The following AK3 variants were observed in gnomAD, a reference collection of about 807,000 sequenced individuals.
AK3 encodes the protein GTP:AMP phosphotransferase AK3, mitochondrial.
A neutral mutation model predicts 23.7 loss-of-function variants in AK3; 27 were observed. The ratio of observed to expected loss-of-function variants is 1.14; its 90% confidence interval spans 0.84 to 1.57. The LOEUF is 1.57. Among genes scored for constraint, AK3 ranks in the 40% most tolerant of loss-of-function variants. AK3 has a pLI of 0.00. For missense variants in AK3, 406 were observed against 285.6 expected, an observed-to-expected ratio of 1.42 and a Z score of -3.04; for synonymous variants, 159 against 116.0, an observed-to-expected ratio of 1.37 and a Z score of -2.38.
chr9:4,713,220 G>A lies in AK3; in HGVS notation c.564-124C>T, dbSNP rs902667437. ...GGAGTCTTGGTAAGTATAGATTTGTGTAATCAGGAGAGAAAGGCACTTGGC... is the reference window on the plus strand; with the variant it reads ...GGAGTCTTGGTAAGTATAGATTTGTATAATCAGGAGAGAAAGGCACTTGGC... On this transcript the variant is annotated intron_variant, in intron 4 of 4. Coordinates refer to ENST00000381809, the MANE Select transcript of AK3 (RefSeq NM_016282.4). 2.8e-5 allele frequency: 36 copies of A among 1,271,818 alleles called. 1 individual carries two copies. Among genetic ancestry groups the A allele is most frequent in the Non-Finnish European group, 2.6e-5 (25 of 955,778 alleles). 78.8% of individuals were successfully genotyped at this position (1,271,818 alleles called of 1,614,324 possible).
chr9:4,712,863 A>C lies in AK3; in HGVS notation c.*113T>G. The C allele has an allele frequency of 8.4e-7, 1 of 1,192,788 alleles. No homozygotes were observed. The highest frequency in any genetic ancestry group is 1.8e-5 in the South Asian group (1 of 56,030). The allele number at this position is 1,192,788 out of a possible 1,614,324, so 73.9% of individuals were successfully genotyped here. On this transcript the variant is annotated 3_prime_UTR_variant, in exon 5 of 5. Coordinates refer to ENST00000381809, the MANE Select transcript of AK3 (RefSeq NM_016282.4). Reference sequence around the variant, plus strand: ...AAATAAAATCAGTAGAAATAAAAGTAATATAATTTTCAAAGAATTCATACA... The same window carrying C: ...AAATAAAATCAGTAGAAATAAAAGTCATATAATTTTCAAAGAATTCATACA...
intron 1 of AK3, among the ~76,000 whole-genome samples, chr9:4,736,488 CA>C (rs1842297102): frequency 4.2e-5 from 1 of 23,570 alleles, no homozygotes; most frequent in Non-Finnish European, 1.1e-4. Context: ...AAAAAAAAAA[CA>C]ACTCCGCTTT....
At chr9:4,717,821 G>A (rs930237575) in intron 4 of AK3, among the ~76,000 whole-genome samples, 1 of 152,118 alleles carries the variant, frequency 6.6e-6, no homozygotes, top group African/African-American at 2.4e-5. Context: ...TATGGTGCTT[G>A]GTATTTTCAA....
intron 1 of AK3, among the ~76,000 whole-genome samples, chr9:4,725,537 G>A (rs1464442573): frequency 1.3e-5 from 2 of 151,968 alleles, no homozygotes; most frequent in Non-Finnish European, 2.9e-5. Context: ...GGGAGGCTGA[G>A]GTGGGCAGAT....
upstream of AK3, among the ~76,000 whole-genome samples, chr9:4,741,506 GCC>G (rs1243330157): frequency 2.7e-5 from 4 of 148,556 alleles, no homozygotes; most frequent in African/African-American, 1.0e-4. Flanking sequence ...CTACCTCCGC[GCC>G]TCTCCGCGAC....
At position 4,722,619 on chromosome 9, in the gene AK3, C is replaced by T. The variant is rs1841929688; in HGVS notation, c.158G>A (p.Gly53Asp). ...GTCAATGAAAGCCTTGGCTAACACG[C>T]CAATTTCTACAGCAAAGCGGGGAAA... ...RDNMLRGTEI[G>D]VLAKAFIDQG... is the part of the protein sequence containing the mutation. The change falls in exon 2 of 5, where the codon GGC becomes GAC. Residue 53 changes from glycine to aspartate, a missense_variant. Coordinates refer to ENST00000381809, the MANE Select transcript of AK3 (RefSeq NM_016282.4). The T allele has an allele frequency of 1.9e-6, 3 of 1,613,984 alleles. No homozygotes were observed. The highest frequency in any genetic ancestry group is 2.5e-6 in the Non-Finnish European group (3 of 1,180,020).
intron 1 of AK3, among the ~76,000 whole-genome samples, chr9:4,735,844 G>A (rs1393437090): frequency 6.6e-6 from 1 of 151,954 alleles, no homozygotes; most frequent in Non-Finnish European, 1.5e-5. Context: ...GCCAGGTGCA[G>A]TAGCTCACGC....
chr9:4,715,339 G>C (rs913231320), intron 4 of AK3, among the ~76,000 whole-genome samples: 11 of 151,592 alleles, frequency 7.3e-5, no homozygotes, highest in Non-Finnish European at 1.6e-4. Context: ...CCTAAGACAG[G>C]GGCCCGTGTC....
chr9:4,722,471 T>C, intron 2 of AK3, 35 bp downstream of exon 2: 3 of 1,613,686 alleles, frequency 1.9e-6, no homozygotes, highest in Non-Finnish European at 1.7e-6. Flanking sequence ...ACTGATTATT[T>C]TGGGCAGGTG....
rs771778292 is a variant in AK3, at chr9:4,718,400, C to T, written c.563+19G>A. 3.1e-6 allele frequency: 5 copies of T among 1,590,872 alleles called. No individual in the cohort carries two copies. In the Admixed American group the frequency reaches 8.4e-5, roughly 27 times the overall value. On this transcript the variant is annotated intron_variant, in intron 4 of 4. Coordinates refer to ENST00000381809, the MANE Select transcript of AK3 (RefSeq NM_016282.4). ...AGTGCACCACTACGCAAGAGAAGTT[C>T]TGAAAAGCAAAAACTCACTGGTAAT...
At chr9:4,731,808 G>T (rs1842160752) in intron 1 of AK3, among the ~76,000 whole-genome samples, 2 of 152,022 alleles carry the variant, frequency 1.3e-5, no homozygotes, top group South Asian at 4.2e-4. Flanking sequence ...GAACCGCATG[G>T]GTCTACCTCT....
chr9:4,738,605 A>G (rs1372628327), intron 1 of AK3, among the ~76,000 whole-genome samples: 1 of 131,652 alleles, frequency 7.6e-6, no homozygotes, highest in Non-Finnish European at 1.8e-5. Context: ...GAAATAAAAA[A>G]GAAAAAGAAA....
chr9:4,740,359 T>A (rs1314603871), intron 1 of AK3, among the ~76,000 whole-genome samples: 1 of 152,178 alleles, frequency 6.6e-6, no homozygotes, highest in African/African-American at 2.4e-5. Flanking sequence ...TGCACAAGAA[T>A]AGCCTTCGTG....
chr9:4,737,246 G>T (rs1842318099), intron 1 of AK3, among the ~76,000 whole-genome samples: 1 of 149,926 alleles, frequency 6.7e-6, no homozygotes, highest in Admixed American at 6.7e-5. Context: ...TTTCAATTCT[G>T]CTTTAAAATA....
intron 1 of AK3, among the ~76,000 whole-genome samples, chr9:4,737,893 C>A (rs1842334716): frequency 6.6e-6 from 1 of 152,040 alleles, no homozygotes; most frequent in Non-Finnish European, 1.5e-5. Flanking sequence ...GATTTTAAAC[C>A]TTAGCTATAA....
Position 4,741,045 on chromosome 9 carries a change from C to T in AK3, c.43G>A (p.Ala15Thr), listed in dbSNP as rs777057896. Residue 15 changes from alanine to threonine, a missense_variant, in exon 1 of 5, where the codon GCC becomes ACC. Physicochemically the swap from Ala to Thr is moderately conservative, Grantham distance 58. Coordinates refer to ENST00000381809, the MANE Select transcript of AK3 (RefSeq NM_016282.4). ...ACGGTGCCCTTGCCCGAGCCCGGGG[C>T]CCCCATGATCACCGCTCGCAGCAGC... ...ARLLRAVIMG[A>T]PGSGKGTVSS... 9 of 1,571,994 alleles carry T rather than the reference C, an allele frequency of 5.7e-6. No individual in the cohort carries two copies. The highest frequency in any genetic ancestry group is 1.4e-5 in the African/African-American group (1 of 71,912).
At chr9:4,739,751 G>T (rs906949361) in intron 1 of AK3, among the ~76,000 whole-genome samples, 1 of 151,956 alleles carries the variant, frequency 6.6e-6, no homozygotes, top group Non-Finnish European at 1.5e-5. Flanking sequence ...CTAACACAGT[G>T]AAACCCCATC....
In AK3 at chr9:4,726,628, C is replaced by T. The variant is rs186043810; in HGVS notation, c.152-4003G>A. Among the ~76,000 whole-genome samples the T allele has an allele frequency of 2.0e-5, 3 of 152,116 alleles. No individual in the cohort carries two copies. The East Asian group carries it at 5.8e-4, about 29-fold the overall frequency. On this transcript the variant is annotated intron_variant, in intron 1 of 4. Transcript: ENST00000381809. ...TTTCCACCATATGTGTAGTTACTTC[C>T]TACACTGAAGGCTTGAACCCCTTAA...
chr9:4,719,195 G>C lies in AK3; in HGVS notation c.384C>G (p.Arg128=). 3 of 1,611,926 alleles carry C rather than the reference G, an allele frequency of 1.9e-6. No individual in the cohort carries two copies. Among genetic ancestry groups the C allele is most frequent in the South Asian group, 1.1e-5 (1 of 90,980 alleles). Residue 128 remains arginine, a synonymous_variant, in exon 3 of 5, where the codon CGC becomes CGG. Coordinates refer to ENST00000381809, the MANE Select transcript of AK3 (RefSeq NM_016282.4). ...FEVIKQRLTA[R]WIHPASGRVY... is the part of the protein sequence containing the mutation. ...CTCGGCCACTGGCGGGATGAATCCA[G>C]CGAGCAGTAAGGCGTTGTTTAATGA...
Sources: allele counts gnomAD v4.1 joint callset (sites outside exome capture counted in the v4.1 genomes callset), GRCh38; gene constraint gnomAD v4.1.1; transcripts MANE v1.5; gene names NCBI Gene and HGNC (gene_info 2026-07-23, HGNC 2026-07-21).